KIF15: variants seen among roughly 807,000 people sequenced by gnomAD.
The protein encoded by KIF15 is kinesin family member 15.
KIF15 carries 140 observed loss-of-function variants against 190.6 expected under a neutral mutation model. The ratio of observed to expected loss-of-function variants is 0.73; its 90% confidence interval spans 0.64 to 0.84. KIF15 has a LOEUF of 0.84. KIF15 is among the 40% of genes least tolerant of loss of function. The pLI is 0.00. For missense variants in KIF15, 1,372 were observed against 1,584.4 expected (o/e 0.87, Z 2.28); for synonymous variants, 528 against 551.3 (o/e 0.96, Z 0.59).
At chr3:44,766,109 G>C (rs895721922) in intron 1 of KIF15, 1 of 152,794 alleles carries the variant, frequency 6.5e-6, no homozygotes, top group Non-Finnish European at 1.5e-5. Context: ...CAAAGTGCTG[G>C]GATTACATCA....
chr3:44,807,381 C>T (rs1707559946), intron 16 of KIF15, among the ~76,000 whole-genome samples: 1 of 151,996 alleles, frequency 6.6e-6, no homozygotes, highest in Non-Finnish European at 1.5e-5. Flanking sequence ...CCTGCCCCAA[C>T]ACCCAGCTGA....
intron 6 of KIF15, among the ~76,000 whole-genome samples, chr3:44,860,507 A>G (rs1393881860): frequency 6.6e-6 from 1 of 152,100 alleles, no homozygotes; most frequent in East Asian, 1.9e-4. Flanking sequence ...GTAGCTGGGA[A>G]TACAGGTGCC....
At chr3:44,799,376 C>T (rs1707148142) in intron 10 of KIF15, 1 of 455,780 alleles carries the variant, frequency 2.2e-6, no homozygotes, top group South Asian at 1.6e-5. Context: ...TTTCCGTGAG[C>T]AAATTGGGCT....
At chr3:44,791,984 G>T (rs1277399281) in intron 7 of KIF15, among the ~76,000 whole-genome samples, 1 of 151,922 alleles carries the variant, frequency 6.6e-6, no homozygotes, top group East Asian at 1.9e-4. Flanking sequence ...CTCCCAAAGT[G>T]CTGGGATTAC....
intron 17 of KIF15, among the ~76,000 whole-genome samples, chr3:44,811,506 G>A (rs1359525679): frequency 6.6e-6 from 1 of 152,114 alleles, no homozygotes; most frequent in Non-Finnish European, 1.5e-5. Flanking sequence ...TTAGCCGGGT[G>A]TGGTGGTACA....
chr3:44,844,200 C>G (rs1022523199), intron 30 of KIF15, among the ~76,000 whole-genome samples: 8 of 149,980 alleles, frequency 5.3e-5, no homozygotes, highest in Admixed American at 1.3e-4. Context: ...CCAGAAACAC[C>G]CCTGATATGA....
chr3:44,866,062 G>T (rs1391986878), intron 6 of KIF15, among the ~76,000 whole-genome samples: 8 of 140,864 alleles, frequency 5.7e-5, no homozygotes, highest in African/African-American at 5.1e-5. Flanking sequence ...TTTGTTTTTT[G>T]TTTTTTTGTT....
At chr3:44,855,234 C>T (rs1170050820), downstream of KIF15, among the ~76,000 whole-genome samples, 1 of 152,018 alleles carries the variant, frequency 6.6e-6, no homozygotes, top group Non-Finnish European at 1.5e-5. Flanking sequence ...AGTACATTCT[C>T]AAGGGTGGGG....
At chr3:44,802,169 G>A (rs1429955507) in intron 13 of KIF15, among the ~76,000 whole-genome samples, 195 bp downstream of exon 13, 2 of 152,232 alleles carry the variant, frequency 1.3e-5, no homozygotes, top group Non-Finnish European at 2.9e-5. Flanking sequence ...GGAAGAAGTT[G>A]TGGTGACATT....
At chr3:44,850,358 A>C (rs776602007) in intron 32 of KIF15, among the ~76,000 whole-genome samples, 98 of 152,174 alleles carry the variant, frequency 6.4e-4, no homozygotes, top group Non-Finnish European at 1.2e-3. Flanking sequence ...TATTTACAGG[A>C]TTTTTGAGAA....
In KIF15 at chr3:44,830,041, T is replaced by C. The variant is rs764846598; in HGVS notation, c.3014T>C (p.Ile1005Thr). ...RTSVCEKTET[I>T]DTLKQELKDI... ...TCGGTCTGTGAGAAAACAGAAACTA[T>C]AGACACCCTGAAACAAGAACTGAAG... Residue 1005 changes from isoleucine to threonine, a missense_variant, in exon 25 of 35, where the codon ATA becomes ACA. Transcript: ENST00000326047. The C allele has an allele frequency of 9.4e-6, 15 of 1,592,642 alleles. No individual in the cohort carries two copies. In the Middle Eastern group the frequency reaches 1.8e-3, roughly 194 times the overall value.
At chr3:44,859,593 G>A (rs1699219080) in intron 6 of KIF15, among the ~76,000 whole-genome samples, 1 of 152,192 alleles carries the variant, frequency 6.6e-6, no homozygotes, top group Non-Finnish European at 1.5e-5. Flanking sequence ...CCAGCAGGTT[G>A]AGGCTGCAGT....
At chr3:44,822,546 G>A (rs1470843609) in intron 20 of KIF15, among the ~76,000 whole-genome samples, 1 of 152,126 alleles carries the variant, frequency 6.6e-6, no homozygotes, top group African/African-American at 2.4e-5. Flanking sequence ...TTTGAATGTT[G>A]GCCTGCCTTG....
chr3:44,857,626 G>T (rs554631518), downstream of KIF15, among the ~76,000 whole-genome samples: 2 of 152,136 alleles, frequency 1.3e-5, no homozygotes, highest in Non-Finnish European at 2.9e-5. Context: ...CTATAGGGTC[G>T]GCTAGATTTC....
chr3:44,829,563 A>ATGTATATG, intron 24 of KIF15, among the ~76,000 whole-genome samples: 1 of 120,154 alleles, frequency 8.3e-6, no homozygotes, highest in Admixed American at 9.8e-5. Flanking sequence ...TATATTATAT[A>ATGTATATG]TGTATATATT....
downstream of KIF15, among the ~76,000 whole-genome samples, chr3:44,856,904 G>T (rs1205605800): frequency 3.3e-5 from 5 of 152,322 alleles, no homozygotes; most frequent in South Asian, 1.0e-3. Context: ...CCTTTTGCAA[G>T]AGTGAGGGCC....
At chr3:44,829,596 A>ATATATTATATATG (rs1697921462) in intron 24 of KIF15, among the ~76,000 whole-genome samples, 1 of 124,830 alleles carries the variant, frequency 8.0e-6, no homozygotes, top group African/African-American at 3.4e-5. Flanking sequence ...ATTATATATT[A>ATATATTATATATG]TATATGCATA....
intron 1 of KIF15, among the ~76,000 whole-genome samples, chr3:44,768,983 G>A (rs1486402718): frequency 6.6e-5 from 10 of 152,188 alleles, no homozygotes; most frequent in Admixed American, 3.9e-4. Flanking sequence ...CAGGGAGAGG[G>A]AGGCCAAAAG....
At chr3:44,849,834 T>G (rs1458239665) in intron 32 of KIF15, among the ~76,000 whole-genome samples, 2 of 152,158 alleles carry the variant, frequency 1.3e-5, no homozygotes, top group African/African-American at 4.8e-5. Context: ...ATTACAATTA[T>G]TAATCAGTGT....
Sources: allele counts gnomAD v4.1 joint callset (sites outside exome capture counted in the v4.1 genomes callset), GRCh38; gene constraint gnomAD v4.1.1; transcripts MANE v1.5; gene names NCBI Gene and HGNC (gene_info 2026-07-23, HGNC 2026-07-21).